PTP4A1: variants seen among roughly 807,000 people sequenced by gnomAD.
PTP4A1 encodes the protein protein tyrosine phosphatase type IVA 1.
Under a neutral mutation model 20.5 loss-of-function variants are expected in PTP4A1, and 9 were observed. That is an observed-to-expected ratio of 0.44 (90% CI 0.26 to 0.77). The LOEUF (loss-of-function observed/expected upper bound fraction) is 0.77, where lower values mean the gene tolerates loss of function less well. Among genes scored for constraint, PTP4A1 ranks in the 30% least tolerant of loss-of-function variants. The probability of loss-of-function intolerance (pLI) is 0.19; values close to 1 mark genes in which losing one functional copy is unlikely to be tolerated. For missense variants in PTP4A1, 137 were observed against 218.8 expected (o/e 0.63, Z 2.36); for synonymous variants, 78 against 67.4 (o/e 1.16, Z -0.77).
intron 2 of PTP4A1, among the ~76,000 whole-genome samples, chr6:63,577,989 A>G (rs183297326): frequency 7.3e-4 from 71 of 96,924 alleles, no homozygotes; most frequent in African/African-American, 4.3e-3. Flanking sequence ...ACTTCATTCA[A>G]TGTAAATCAG....
chr6:63,549,775 TA>T (rs1318964420), intron 2 of PTP4A1, among the ~76,000 whole-genome samples: 1 of 151,660 alleles, frequency 6.6e-6, no homozygotes, highest in African/African-American at 2.4e-5. Flanking sequence ...CTTATAGAAG[TA>T]AAAAGTAGAA....
Position 63,579,524 on chromosome 6 carries a change from C to G in PTP4A1, c.404+193C>G, listed in dbSNP as rs1223570410. ...TCATATTACTAAGATTCTAATCCAA[C>G]AAGAGTTTTTGAATTATTGTTTTGC... On this transcript the variant is annotated intron_variant, in intron 5 of 5. Coordinates refer to ENST00000626021, the MANE Select transcript of PTP4A1 (RefSeq NM_003463.5). Among the ~76,000 whole-genome samples the G allele has an allele frequency of 2.0e-5, 3 of 152,170 alleles. No homozygotes were observed. The East Asian group carries it at 5.8e-4, about 29-fold the overall frequency.
rs543546782 is a variant in PTP4A1 at position 63,553,603 on chromosome 6, T to A, written c.-446+3110T>A. On this transcript the variant is annotated intron_variant, in intron 3 of 3. Coordinates refer to the PTP4A1 transcript ENST00000639568. The stretch of plus-strand genomic sequence containing the variant: ...ACATTAGCACATATTTAGATCTTGA[T>A]GTTCTAACTAATGAATGACAGCTAA... Among the ~76,000 whole-genome samples, 7 of 152,364 alleles carry A rather than the reference T, an allele frequency of 4.6e-5. No individual in the cohort carries two copies. In the South Asian group the frequency reaches 1.4e-3, roughly 32 times the overall value.
chr6:63,545,305 T>C (rs1189820664), intron 2 of PTP4A1, among the ~76,000 whole-genome samples: 1 of 152,148 alleles, frequency 6.6e-6, no homozygotes, highest in African/African-American at 2.4e-5. Context: ...GCTCAAGAAA[T>C]CTCTGGGCGT....
At chr6:63,563,502 C>G (rs1777054455) in intron 3 of PTP4A1, among the ~76,000 whole-genome samples, 1 of 152,212 alleles carries the variant, frequency 6.6e-6, no homozygotes, top group Admixed American at 6.5e-5. Context: ...CCCCTGACTT[C>G]ACTGTCTAAA....
intron 3 of PTP4A1, among the ~76,000 whole-genome samples, chr6:63,559,570 C>T (rs1776846254): frequency 6.6e-6 from 1 of 151,988 alleles, no homozygotes; most frequent in Non-Finnish European, 1.5e-5. Context: ...CATGGTGAAA[C>T]CCTGTCTCTA....
At chr6:63,529,713 G>A (rs1032268603) in intron 2 of PTP4A1, among the ~76,000 whole-genome samples, 6 of 152,170 alleles carry the variant, frequency 3.9e-5, no homozygotes, top group African/African-American at 9.7e-5. Context: ...GGAGGAAAAG[G>A]TTATGCATTT....
chr6:63,579,212 A>G, intron 4 of PTP4A1, 45 bp from the exon 5 acceptor site: 1 of 1,546,016 alleles, frequency 6.5e-7, no homozygotes, highest in South Asian at 1.2e-5. Flanking sequence ...ATTTACAAAG[A>G]TCTGATTTTG....
rs200262116 is a variant in PTP4A1, at chr6:63,578,418, T to A, written c.106-19T>A. On this transcript the variant is annotated intron_variant, in intron 2 of 5. Coordinates refer to ENST00000626021, the MANE Select transcript of PTP4A1 (RefSeq NM_003463.5). ...ATGTGGTTAAACATTAAGATTTTTT[T>A]AATGTACGTTTTATCCAGGAACTTA... The A allele has an allele frequency of 2.9e-5, 46 of 1,594,882 alleles. No homozygotes were observed. Among genetic ancestry groups the A allele is most frequent in the Admixed American group, 1.1e-4 (6 of 52,728 alleles).
chr6:63,536,192 G>A (rs991584327), intron 2 of PTP4A1, among the ~76,000 whole-genome samples: 2 of 152,112 alleles, frequency 1.3e-5, no homozygotes, highest in African/African-American at 2.4e-5. Flanking sequence ...TTAGCTGGGC[G>A]TGGTGGCGGG....
intron 3 of PTP4A1, among the ~76,000 whole-genome samples, chr6:63,565,137 G>A (rs778460616): frequency 1.6e-4 from 24 of 152,014 alleles, no homozygotes; most frequent in East Asian, 1.9e-4. Context: ...CTCAACCTCC[G>A]AGGGAGCTAC....
chr6:63,566,560 G>A (rs891684786), intron 3 of PTP4A1, among the ~76,000 whole-genome samples: 2 of 152,152 alleles, frequency 1.3e-5, no homozygotes, highest in Non-Finnish European at 2.9e-5. Flanking sequence ...GGGTACCCTA[G>A]AATACCTTAA....
chr6:63,574,695 T>C (rs1777736805), intron 1 of PTP4A1, among the ~76,000 whole-genome samples: 1 of 152,192 alleles, frequency 6.6e-6, no homozygotes, highest in African/African-American at 2.4e-5. Context: ...GAAAAAAAGG[T>C]AATACCTAGA....
intron 3 of PTP4A1, among the ~76,000 whole-genome samples, chr6:63,567,050 T>A (rs1215385175): frequency 1.3e-5 from 2 of 152,224 alleles, no homozygotes; most frequent in African/African-American, 2.4e-5. Flanking sequence ...CAGACTCTGT[T>A]TCTAACTCCA....
chr6:63,559,786 C>T lies in PTP4A1; in HGVS notation c.-446+9293C>T, dbSNP rs560220754. ...AATGAATTTCACAGCCAGGCATGGT[C>T]GTTCATGCATATAATACTAGCACTT... On this transcript the variant is annotated intron_variant, in intron 3 of 3. Transcript: ENST00000639568. Among the ~76,000 whole-genome samples, 11 of 151,998 alleles carry T rather than the reference C, an allele frequency of 7.2e-5. No homozygotes were observed. In the South Asian group the frequency reaches 1.7e-3, roughly 23 times the overall value.
At chr6:63,540,516 G>A (rs987810228) in intron 2 of PTP4A1, among the ~76,000 whole-genome samples, 2 of 152,100 alleles carry the variant, frequency 1.3e-5, no homozygotes, top group African/African-American at 4.8e-5. Flanking sequence ...AGCTACTCAA[G>A]AGGCTGAGGC....
intron 2 of PTP4A1, among the ~76,000 whole-genome samples, chr6:63,533,996 A>G (rs559532293): frequency 1.6e-4 from 25 of 151,950 alleles, no homozygotes; most frequent in African/African-American, 6.0e-4. Flanking sequence ...GGTGCACACC[A>G]CCATGCCTGG....
At chr6:63,548,985 T>C in intron 2 of PTP4A1, 1 of 735,062 alleles carries the variant, frequency 1.4e-6, no homozygotes, top group East Asian at 2.5e-5. Flanking sequence ...CCGCATTTTA[T>C]GACACAGGGC....
chr6:63,530,470 G>T (rs1427220735), intron 2 of PTP4A1, among the ~76,000 whole-genome samples: 1 of 152,066 alleles, frequency 6.6e-6, no homozygotes, highest in African/African-American at 2.4e-5. Context: ...AGGCTTAGAC[G>T]CCCAGATGTA....
Sources: gnomAD v4.1 joint callset for allele counts (sites outside exome capture counted in the v4.1 genomes callset) on GRCh38, gnomAD v4.1.1 for gene constraint, MANE v1.5 for transcripts, NCBI Gene and HGNC (gene_info 2026-07-23, HGNC 2026-07-21) for gene names.